The following PRKAR1B variants were observed in gnomAD, a reference collection of about 807,000 sequenced individuals.
PRKAR1B encodes the protein protein kinase cAMP-dependent type I regulatory subunit beta, also known as cAMP-dependent protein kinase type I-beta regulatory subunit.
A neutral mutation model predicts 46.5 loss-of-function variants in PRKAR1B; 22 were observed. The ratio of observed to expected loss-of-function variants is 0.47; its 90% confidence interval spans 0.34 to 0.68. PRKAR1B has a LOEUF of 0.68. Among genes scored for constraint, PRKAR1B ranks in the 30% least tolerant of loss-of-function variants. PRKAR1B has a pLI of 0.01. For missense variants in PRKAR1B, 445 were observed against 535.6 expected (o/e 0.83, Z 1.67); for synonymous variants, 259 against 217.7 (o/e 1.19, Z -1.67).
chr7:575,300 G>T (rs1779756853), intron 9 of PRKAR1B, among the ~76,000 whole-genome samples: 1 of 152,236 alleles, frequency 6.6e-6, no homozygotes, highest in Non-Finnish European at 1.5e-5. Flanking sequence ...CGCTGGCTGG[G>T]TATGCGTCTC....
chr7:696,718 T>G (rs551131362), intron 2 of PRKAR1B: 3 of 152,240 alleles, frequency 2.0e-5, no homozygotes, highest in African/African-American at 4.8e-5. Context: ...AGGAACGAGG[T>G]TGGGGTCCCA....
Position 596,213 on chromosome 7 carries a change from GT to G in PRKAR1B, c.640del (p.Thr214ProfsTer2). ...ALIYGTPRAA[T>X]VKAKTDLKLW... ...CTTGAGGTCCGTCTTGGCTTTCACGGTCGCAGCCCTGGGGGTGCCGTAGATG... is the reference window on the plus strand; with the variant it reads ...CTTGAGGTCCGTCTTGGCTTTCACGGCGCAGCCCTGGGGGTGCCGTAGATG... On this transcript the variant is annotated frameshift_variant, in exon 7 of 11. Transcript: ENST00000537384. LOFTEE classifies it high-confidence loss of function. The G allele has an allele frequency of 6.2e-7, 1 of 1,614,034 alleles. No homozygotes were observed. Among genetic ancestry groups the G allele is most frequent in the Non-Finnish European group, 8.5e-7 (1 of 1,180,002 alleles).
chr7:603,015 C>T (rs1781731980), intron 6 of PRKAR1B, among the ~76,000 whole-genome samples: 1 of 152,196 alleles, frequency 6.6e-6, no homozygotes, highest in Non-Finnish European at 1.5e-5. Flanking sequence ...TTTCAGGCTC[C>T]ACAAGGGATC....
chr7:600,294 C>T (rs1364278448), intron 6 of PRKAR1B, among the ~76,000 whole-genome samples: 3 of 152,090 alleles, frequency 2.0e-5, no homozygotes, highest in Middle Eastern at 3.2e-3. Flanking sequence ...TGCTTGAAGC[C>T]AGGAGTCTGA....
In PRKAR1B at chr7:628,344, G is replaced by A. The variant is rs527495728; in HGVS notation, c.441-20892C>T. On this transcript the variant is annotated intron_variant, in intron 4 of 10. Coordinates refer to ENST00000537384, the MANE Select transcript of PRKAR1B (RefSeq NM_001164760.2). ...GTGGAGCCAAGGCGAAGGCGGGCACGAGGCGGGAGCCGCCAACAGCCAAGG... is the reference window on the plus strand; with the variant it reads ...GTGGAGCCAAGGCGAAGGCGGGCACAAGGCGGGAGCCGCCAACAGCCAAGG... Among the ~76,000 whole-genome samples, 12 of 152,124 alleles carry A rather than the reference G, an allele frequency of 7.9e-5. No individual in the cohort carries two copies. The South Asian group carries it at 1.7e-3, about 21-fold the overall frequency.
At chr7:639,966 C>T (rs1784302966) in intron 4 of PRKAR1B, among the ~76,000 whole-genome samples, 1 of 151,872 alleles carries the variant, frequency 6.6e-6, no homozygotes, top group Non-Finnish European at 1.5e-5. Flanking sequence ...AGTTTGAGAC[C>T]AGCCTGGCCA....
intron 6 of PRKAR1B, among the ~76,000 whole-genome samples, chr7:597,733 G>C (rs1257686502): frequency 1.3e-5 from 2 of 152,218 alleles, no homozygotes; most frequent in Admixed American, 1.3e-4. Context: ...CGGGGGAAGG[G>C]CCTGCGATGG....
At chr7:617,320 A>T (rs1386427990) in intron 4 of PRKAR1B, among the ~76,000 whole-genome samples, 1 of 139,614 alleles carries the variant, frequency 7.2e-6, no homozygotes, top group African/African-American at 2.8e-5. Flanking sequence ...TTTTTTTTTT[A>T]AAGAGACCGA....
intron 2 of PRKAR1B, among the ~76,000 whole-genome samples, chr7:702,123 G>A (rs1394575450): frequency 1.3e-5 from 2 of 152,188 alleles, no homozygotes; most frequent in African/African-American, 4.8e-5. Context: ...ATGGGCCTAT[G>A]TGATGGAAAA....
chr7:612,379 T>C (rs555512010), intron 4 of PRKAR1B, among the ~76,000 whole-genome samples: 6 of 144,114 alleles, frequency 4.2e-5, no homozygotes, highest in African/African-American at 1.6e-4. Context: ...GATGTACAAG[T>C]GGGTGGGTGG....
At chr7:586,668 G>A (rs1400736240) in intron 7 of PRKAR1B, among the ~76,000 whole-genome samples, 8 of 152,234 alleles carry the variant, frequency 5.3e-5, no homozygotes, top group East Asian at 3.8e-4. Flanking sequence ...AGGCCACTAA[G>A]TTTGAGGGGA....
intron 4 of PRKAR1B, among the ~76,000 whole-genome samples, chr7:664,585 A>G (rs1394630090): frequency 6.6e-6 from 1 of 152,130 alleles, no homozygotes; most frequent in Non-Finnish European, 1.5e-5. Context: ...ACCGGAGACC[A>G]CACACCACCA....
intron 6 of PRKAR1B, among the ~76,000 whole-genome samples, chr7:596,598 C>A (rs1022780171): frequency 1.3e-5 from 2 of 152,252 alleles, no homozygotes; most frequent in African/African-American, 4.8e-5. Context: ...GCGGACGCAC[C>A]CGGCCCCCGC....
At chr7:557,522 T>G (rs191317307) in intron 9 of PRKAR1B, among the ~76,000 whole-genome samples, 18 of 152,304 alleles carry the variant, frequency 1.2e-4, no homozygotes, top group African/African-American at 4.1e-4. Context: ...GCCAGATGCC[T>G]GAGTCCGACA....
chr7:577,087 T>C (rs1403793494), intron 9 of PRKAR1B, among the ~76,000 whole-genome samples: 1 of 151,638 alleles, frequency 6.6e-6, no homozygotes, highest in East Asian at 1.9e-4. Context: ...AGCGGCCTCA[T>C]CCAACTCCAT....
Position 601,614 on chromosome 7 carries a change from G to A in PRKAR1B, c.549+4579C>T, listed in dbSNP as rs9691815. Among the ~76,000 whole-genome samples the A allele has an allele frequency of 4.8e-3, 724 of 152,220 alleles. 9 individuals are homozygous for A. Among genetic ancestry groups the A allele is most frequent in the African/African-American group, 0.016 (649 of 41,566 alleles). On this transcript the variant is annotated intron_variant, in intron 6 of 10. Coordinates refer to ENST00000537384, the MANE Select transcript of PRKAR1B (RefSeq NM_001164760.2). ...GCCCCTGCAGGCAGCTCCTGCGCCC[G>A]GCCCCGCCCGGCCCCGCCGGGCACT...
Position 668,654 on chromosome 7 carries a change from C to T in PRKAR1B, c.440+8575G>A, listed in dbSNP as rs539219093. Among the ~76,000 whole-genome samples the T allele has an allele frequency of 3.3e-5, 5 of 152,166 alleles. No individual in the cohort carries two copies. In the South Asian group the frequency reaches 8.3e-4, roughly 25 times the overall value. On this transcript the variant is annotated intron_variant, in intron 4 of 10. Coordinates refer to ENST00000537384, the MANE Select transcript of PRKAR1B (RefSeq NM_001164760.2). ...ATCCAGAGGGGTCAGAGATGGAGGG[C>T]GCATGTCGTTCTGATTCTCAGGGCC...
chr7:675,381 A>G (rs2128504491), intron 4 of PRKAR1B, among the ~76,000 whole-genome samples: 1 of 152,304 alleles, frequency 6.6e-6, no homozygotes, highest in African/African-American at 2.4e-5. Flanking sequence ...CCACCAGACC[A>G]CCACACCGTT....
At chr7:577,048 C>T (rs1462070759) in intron 9 of PRKAR1B, among the ~76,000 whole-genome samples, 2 of 140,918 alleles carry the variant, frequency 1.4e-5, no homozygotes, top group East Asian at 4.2e-4. Flanking sequence ...CCCCGTCCAA[C>T]TCCATCAGTC....
Sources: allele counts gnomAD v4.1 joint callset (sites outside exome capture counted in the v4.1 genomes callset), GRCh38; gene constraint gnomAD v4.1.1; transcripts MANE v1.5; gene names NCBI Gene and HGNC (gene_info 2026-07-23, HGNC 2026-07-21).